The following MGAT4A variants were observed in gnomAD, a reference collection of about 807,000 sequenced individuals.
MGAT4A encodes N-acetylglucosaminyltransferase IVa.
In MGAT4A, 33 loss-of-function variants were observed where a neutral mutation model predicts 74.1. That is an observed-to-expected ratio of 0.45 (90% CI 0.34 to 0.60). The LOEUF (loss-of-function observed/expected upper bound fraction) is 0.60. Among genes scored for constraint, MGAT4A ranks in the 20% least tolerant of loss-of-function variants. The pLI is 0.02. For missense variants in MGAT4A, 479 were observed against 628.3 expected (o/e 0.76, Z 2.54); for synonymous variants, 198 against 210.4 (o/e 0.94, Z 0.51).
Position 98,635,311 on chromosome 2 carries a change from A to C in MGAT4A, c.1402-23T>G, listed in dbSNP as rs771270103. The stretch of plus-strand genomic sequence containing the variant: ...ACTCTAAAATAAAACAAAAGCATTA[A>C]TTTCAAAAATAATTCTTTCTATTTA... On this transcript the variant is annotated intron_variant, in intron 13 of 15. Transcript: ENST00000393487. 1.9e-6 allele frequency: 3 copies of C among 1,538,778 alleles called. No homozygotes were observed. The East Asian group carries it at 6.8e-5, about 35-fold the overall frequency.
intron 12 of MGAT4A, among the ~76,000 whole-genome samples, chr2:98,637,968 C>G (rs1051314554): frequency 6.6e-6 from 1 of 152,196 alleles, no homozygotes; most frequent in African/African-American, 2.4e-5. Context: ...CGGTCCTTAT[C>G]TTGATATACT....
At chr2:98,707,222 T>TA in intron 2 of MGAT4A, among the ~76,000 whole-genome samples, 1 of 152,174 alleles carries the variant, frequency 6.6e-6, no homozygotes, top group African/African-American at 2.4e-5. Flanking sequence ...TCCATTTTTT[T>TA]AAAAAATGAA....
At chr2:98,685,816 C>T (rs1172807562) in intron 2 of MGAT4A, among the ~76,000 whole-genome samples, 13 of 152,094 alleles carry the variant, frequency 8.5e-5, no homozygotes, top group African/African-American at 3.1e-4. Context: ...GAGGTGGGGC[C>T]CAAGAATTTC....
intron 2 of MGAT4A, among the ~76,000 whole-genome samples, chr2:98,685,078 A>C (rs371395147): frequency 4.6e-5 from 7 of 152,062 alleles, no homozygotes; most frequent in African/African-American, 1.7e-4. Flanking sequence ...CTCTACAACA[A>C]ATTTTCAAAA....
At chr2:98,633,138 A>T (rs1008194787) in intron 14 of MGAT4A, among the ~76,000 whole-genome samples, 13 of 152,170 alleles carry the variant, frequency 8.5e-5, no homozygotes, top group Non-Finnish European at 7.3e-5. Context: ...AGGGCCAAGT[A>T]TTCTCACCCT....
In MGAT4A at chr2:98,724,465, T is replaced by TA. The variant is rs1203481944; in HGVS notation, c.94+1773dup. Among the ~76,000 whole-genome samples, 3 of 152,204 alleles carry TA rather than the reference T, an allele frequency of 2.0e-5. No individual in the cohort carries two copies. In the East Asian group the frequency reaches 5.8e-4, roughly 29 times the overall value. Reference sequence around the variant, plus strand: ...AACCATAACCAGAAACCTGTGTTGATACCTGGAAGAGTCTGGAAAAAACAC... The same window carrying TA: ...AACCATAACCAGAAACCTGTGTTGATAACCTGGAAGAGTCTGGAAAAAACAC... On this transcript the variant is annotated intron_variant, in intron 2 of 15. Transcript: ENST00000393487.
intron 2 of MGAT4A, among the ~76,000 whole-genome samples, chr2:98,723,408 T>C (rs1702711127): frequency 6.6e-6 from 1 of 152,148 alleles, no homozygotes; most frequent in South Asian, 2.1e-4. Flanking sequence ...TACGTCAGAC[T>C]AGGACACTTC....
chr2:98,621,573 TATAATCATGG>T lies in MGAT4A; in HGVS notation c.*3983_*3992del. 7 of 1,547,442 alleles carry T rather than the reference TATAATCATGG, an allele frequency of 4.5e-6. No individual in the cohort carries two copies. Among genetic ancestry groups the T allele is most frequent in the Non-Finnish European group, 6.1e-6 (7 of 1,144,600 alleles). ...GTCTTCCTTTTGCTACATAACATGATATAATCATGGATCAAACAGGTTCCACCCATGCTCA... is the reference window on the plus strand; with the variant it reads ...GTCTTCCTTTTGCTACATAACATGATATCAAACAGGTTCCACCCATGCTCA... On this transcript the variant is annotated 3_prime_UTR_variant, in exon 16 of 16. Transcript: ENST00000393487.
At chr2:98,695,225 C>T (rs925648587) in intron 2 of MGAT4A, 14 of 152,616 alleles carry the variant, frequency 9.2e-5, no homozygotes, top group African/African-American at 2.4e-4. Flanking sequence ...TTAGTAGAGA[C>T]GAGGTTTCAC....
chr2:98,677,310 C>G (rs1424394983), intron 3 of MGAT4A, among the ~76,000 whole-genome samples: 1 of 152,140 alleles, frequency 6.6e-6, no homozygotes, highest in Non-Finnish European at 1.5e-5. Flanking sequence ...TCTCCAGAGT[C>G]CATCTGAAGT....
chr2:98,729,167 GA>G (rs71978870), intron 1 of MGAT4A, among the ~76,000 whole-genome samples: 23,343 of 144,524 alleles, frequency 0.16, 1,992 homozygotes, highest in South Asian at 0.19. Flanking sequence ...CCTAATATAT[GA>G]AAAAAAAAAA....
At chr2:98,650,120 A>T (rs1701556058) in intron 8 of MGAT4A, among the ~76,000 whole-genome samples, 1 of 152,206 alleles carries the variant, frequency 6.6e-6, no homozygotes, top group African/African-American at 2.4e-5. Flanking sequence ...AAAACTGAAG[A>T]ATACAAAACC....
At chr2:98,640,693 T>C (rs1245760570) in intron 10 of MGAT4A, among the ~76,000 whole-genome samples, 2 of 152,120 alleles carry the variant, frequency 1.3e-5, no homozygotes, top group Non-Finnish European at 2.9e-5. Flanking sequence ...TTTTCTAGTC[T>C]TTGAGGCACT....
chr2:98,696,991 C>T (rs1207326787), intron 2 of MGAT4A, among the ~76,000 whole-genome samples: 2 of 152,182 alleles, frequency 1.3e-5, no homozygotes, highest in African/African-American at 4.8e-5. Context: ...AATTGGACTG[C>T]ATTTCTTAGA....
At chr2:98,695,501 C>T in intron 2 of MGAT4A, 1 of 172,888 alleles carries the variant, frequency 5.8e-6, no homozygotes. Context: ...TAAATGCATG[C>T]AGGGTGTTAT....
intron 2 of MGAT4A, among the ~76,000 whole-genome samples, 176 bp from the exon 3 acceptor site, chr2:98,678,647 T>C (rs1303985769): frequency 1.3e-5 from 2 of 152,164 alleles, no homozygotes; most frequent in Non-Finnish European, 2.9e-5. Flanking sequence ...GTTTATATGC[T>C]CTTATTATTT....
At chr2:98,719,115 G>A (rs901628199) in intron 2 of MGAT4A, among the ~76,000 whole-genome samples, 5 of 152,238 alleles carry the variant, frequency 3.3e-5, no homozygotes, top group Admixed American at 3.3e-4. Context: ...GGCCTAGAGT[G>A]TGGGAGCTAG....
intron 2 of MGAT4A, among the ~76,000 whole-genome samples, chr2:98,703,078 G>A (rs186538620): frequency 6.6e-6 from 1 of 152,272 alleles, no homozygotes; most frequent in East Asian, 1.9e-4. Flanking sequence ...CCAGATGCTG[G>A]GTTTAGCAGA....
chr2:98,640,130 T>C lies in MGAT4A; in HGVS notation c.1119A>G (p.Gln373=). Residue 373 remains glutamine, a synonymous_variant, in exon 11 of 16, where the codon CAA becomes CAG. Coordinates refer to ENST00000393487, the MANE Select transcript of MGAT4A (RefSeq NM_012214.3). ...AAATTAAGTCACCAACCGTGAGTTT[T>C]TGGATTTTTCCTGATAGTGATGAGT... ...GLHSSLSGKI[Q]KLTDKDYMKP... is the part of the protein sequence containing the mutation. 1.9e-6 allele frequency: 3 copies of C among 1,604,874 alleles called. No homozygotes were observed. The highest frequency in any genetic ancestry group is 2.5e-6 in the Non-Finnish European group (3 of 1,177,056).
Sources: gnomAD v4.1 joint callset for allele counts (sites outside exome capture counted in the v4.1 genomes callset) on GRCh38, gnomAD v4.1.1 for gene constraint, MANE v1.5 for transcripts, NCBI Gene and HGNC (gene_info 2026-07-23, HGNC 2026-07-21) for gene names.